PCGF5: variants seen among roughly 807,000 people sequenced by gnomAD.
PCGF5 encodes the protein polycomb group RING finger protein 5.
In PCGF5, 9 loss-of-function variants were observed where a neutral mutation model predicts 44.3. That is an observed-to-expected ratio of 0.20 (90% CI 0.12 to 0.35). The LOEUF (loss-of-function observed/expected upper bound fraction) is 0.35, where lower values mean the gene tolerates loss of function less well. Ranked by LOEUF, PCGF5 falls within the 10% of genes least tolerant of loss-of-function variation. The probability of loss-of-function intolerance (pLI) is 1.00; values close to 1 mark genes in which losing one functional copy is unlikely to be tolerated. For synonymous variants in PCGF5, 95 were observed against 102.5 expected (o/e 0.93, Z 0.44); for missense variants, 146 against 305.3 (o/e 0.48, Z 3.89).
chr10:91,174,402 G>A (rs976612082), intron 1 of PCGF5, among the ~76,000 whole-genome samples: 5 of 152,110 alleles, frequency 3.3e-5, no homozygotes, highest in Non-Finnish European at 7.4e-5. Flanking sequence ...AGCCACTGGG[G>A]AGGCTGAGGC....
At chr10:91,246,952 T>C (rs1368712115) in intron 3 of PCGF5, among the ~76,000 whole-genome samples, 1 of 116,168 alleles carries the variant, frequency 8.6e-6, no homozygotes, top group Non-Finnish European at 1.8e-5. Flanking sequence ...GGCAGATAGA[T>C]AGATGGATAG....
intron 1 of PCGF5, among the ~76,000 whole-genome samples, chr10:91,213,373 A>G (rs916133375): frequency 1.3e-5 from 2 of 152,184 alleles, no homozygotes; most frequent in African/African-American, 2.4e-5. Context: ...AGTAACCTCT[A>G]TTTGGCTACA....
intron 1 of PCGF5, among the ~76,000 whole-genome samples, chr10:91,195,739 T>C (rs1225705690): frequency 1.3e-5 from 2 of 151,856 alleles, no homozygotes; most frequent in African/African-American, 4.8e-5. Context: ...CTGGCCTAAA[T>C]CATATTTTTT....
intron 5 of PCGF5, among the ~76,000 whole-genome samples, chr10:91,249,850 G>A (rs957497457): frequency 6.6e-5 from 10 of 152,058 alleles, no homozygotes; most frequent in African/African-American, 1.9e-4. Context: ...TTTTACCCAC[G>A]TGTACACTGC....
intron 1 of PCGF5, among the ~76,000 whole-genome samples, chr10:91,184,725 T>G (rs1346468899): frequency 1.4e-5 from 2 of 143,466 alleles, no homozygotes; most frequent in East Asian, 2.0e-4. Context: ...TGCTGTTTTG[T>G]TTTTTTTTTC....
intron 7 of PCGF5, among the ~76,000 whole-genome samples, chr10:91,262,045 A>T (rs545158991): frequency 5.3e-5 from 8 of 152,358 alleles, no homozygotes; most frequent in African/African-American, 1.9e-4. Context: ...GTAAGGAAAT[A>T]TCATTTCTCA....
intron 2 of PCGF5, among the ~76,000 whole-genome samples, chr10:91,230,117 T>C (rs1844960325): frequency 1.3e-5 from 2 of 152,172 alleles, no homozygotes; most frequent in African/African-American, 2.4e-5. Context: ...GTTTAAATAG[T>C]TGAGCAAAAC....
At chr10:91,232,638 G>T (rs1272385981) in intron 2 of PCGF5, among the ~76,000 whole-genome samples, 1 of 152,200 alleles carries the variant, frequency 6.6e-6, no homozygotes, top group Non-Finnish European at 1.5e-5. Flanking sequence ...TAGGGCAGAG[G>T]ATGGCTTTAG....
chr10:91,162,047 T>C (rs540185269), upstream of PCGF5, among the ~76,000 whole-genome samples: 1 of 151,806 alleles, frequency 6.6e-6, no homozygotes, highest in East Asian at 1.9e-4. Context: ...CCAACAAAGT[T>C]TGACAGGTGG....
chr10:91,248,642 T>C (rs368113087), intron 4 of PCGF5, 23 bp from the exon 5 acceptor site: 9 of 1,601,622 alleles, frequency 5.6e-6, no homozygotes, highest in Non-Finnish European at 7.7e-6. Context: ...ACTTTTACTT[T>C]TATACTCTTT....
intron 6 of PCGF5, among the ~76,000 whole-genome samples, chr10:91,253,956 G>A (rs1233647621): frequency 6.6e-6 from 1 of 152,048 alleles, no homozygotes; most frequent in Non-Finnish European, 1.5e-5. Context: ...ATTACTTACA[G>A]AAATTGATGG....
rs545086274 is a variant in PCGF5, at chr10:91,254,001, A to G, written c.474+2561A>G. On this transcript the variant is annotated intron_variant, in intron 6 of 9. Transcript: ENST00000336126. ...TTTGGCCTGAGGACATGGTCATTGT[A>G]CAGGCCAAAAGTTTGCCACCTTTTG... Among the ~76,000 whole-genome samples, 3 of 152,180 alleles carry G rather than the reference A, an allele frequency of 2.0e-5. No homozygotes were observed. In the East Asian group the frequency reaches 5.8e-4, roughly 29 times the overall value.
chr10:91,260,626 A>G (rs986171851), intron 6 of PCGF5, among the ~76,000 whole-genome samples: 8 of 152,180 alleles, frequency 5.3e-5, no homozygotes, highest in African/African-American at 1.7e-4. Context: ...AATACTATGC[A>G]GCCATAAAAA....
At chr10:91,202,581 A>C (rs1206478540) in intron 1 of PCGF5, among the ~76,000 whole-genome samples, 1 of 152,216 alleles carries the variant, frequency 6.6e-6, no homozygotes, top group African/African-American at 2.4e-5. Context: ...TTAAGAGTCT[A>C]AATGAGGGAT....
chr10:91,272,897 T>C (rs1846214261), intron 9 of PCGF5, among the ~76,000 whole-genome samples: 1 of 152,218 alleles, frequency 6.6e-6, no homozygotes, highest in Non-Finnish European at 1.5e-5. Flanking sequence ...ATAACAAACT[T>C]AACTGGCATA....
At chr10:91,207,755 T>C (rs999768351) in intron 1 of PCGF5, among the ~76,000 whole-genome samples, 1 of 152,206 alleles carries the variant, frequency 6.6e-6, no homozygotes, top group East Asian at 1.9e-4. Context: ...CCATTTGTTT[T>C]GTAAAATGGC....
chr10:91,219,763 A>T (rs1844617786), upstream of PCGF5, among the ~76,000 whole-genome samples: 1 of 152,218 alleles, frequency 6.6e-6, no homozygotes, highest in South Asian at 2.1e-4. Flanking sequence ...TGGATAGTTT[A>T]AAAAGCTGCC....
At chr10:91,217,842 A>G (rs1416289337), upstream of PCGF5, among the ~76,000 whole-genome samples, 1 of 152,168 alleles carries the variant, frequency 6.6e-6, no homozygotes, top group South Asian at 2.1e-4. Flanking sequence ...ACTAGAGTGC[A>G]ATGGCGCGAT....
intron 1 of PCGF5, among the ~76,000 whole-genome samples, chr10:91,221,075 G>A (rs943283361): frequency 1.3e-5 from 2 of 151,704 alleles, no homozygotes; most frequent in African/African-American, 4.8e-5. Flanking sequence ...CGCTCTCCCC[G>A]GCCTGAGCAG....
Sources: gnomAD v4.1 joint callset for allele counts (sites outside exome capture counted in the v4.1 genomes callset) on GRCh38, gnomAD v4.1.1 for gene constraint, MANE v1.5 for transcripts, NCBI Gene and HGNC (gene_info 2026-07-23, HGNC 2026-07-21) for gene names.